The following CSMD1 variants were observed in gnomAD, a reference collection of about 807,000 sequenced individuals.
The protein encoded by CSMD1 is CUB and sushi domain-containing protein 1.
A neutral mutation model predicts 417.5 loss-of-function variants in CSMD1; 213 were observed. The observed-to-expected ratio is 0.51, with a 90% CI of 0.46 to 0.57. CSMD1 has a LOEUF of 0.57. Among genes scored for constraint, CSMD1 ranks in the 20% least tolerant of loss-of-function variants. The pLI, the probability that CSMD1 is intolerant of heterozygous loss-of-function variation, is 0.00. For missense variants in CSMD1, 6,923 were observed against 4,529.7 expected, an observed-to-expected ratio of 1.53 and a Z score of -15.17; for synonymous variants, 2,862 against 1,736.8, an observed-to-expected ratio of 1.65 and a Z score of -16.11.
intron 26 of CSMD1, among the ~76,000 whole-genome samples, chr8:3,274,556 G>A (rs546119452): frequency 6.6e-6 from 1 of 152,016 alleles, no homozygotes; most frequent in Non-Finnish European, 1.5e-5. Context: ...TTAATGTGTG[G>A]GAGTCTAAGT....
intron 1 of CSMD1, among the ~76,000 whole-genome samples, chr8:4,881,092 C>T (rs1327466931): frequency 6.6e-6 from 1 of 152,070 alleles, no homozygotes; most frequent in East Asian, 1.9e-4. Context: ...CTCCAGCCCA[C>T]ATTGTTCTTC....
intron 5 of CSMD1, among the ~76,000 whole-genome samples, chr8:3,899,907 A>G (rs536024273): frequency 6.6e-6 from 1 of 152,238 alleles, no homozygotes; most frequent in Non-Finnish European, 1.5e-5. Flanking sequence ...TGCTTAAAAC[A>G]TGTCTTTAAT....
chr8:3,208,647 G>A (rs1240296425), intron 30 of CSMD1, among the ~76,000 whole-genome samples: 2 of 152,180 alleles, frequency 1.3e-5, no homozygotes, highest in Admixed American at 1.3e-4. Flanking sequence ...ATGTCTGTGA[G>A]GGTGTTGCCC....
At chr8:4,742,648 G>C (rs1322964718) in intron 1 of CSMD1, among the ~76,000 whole-genome samples, 1 of 152,034 alleles carries the variant, frequency 6.6e-6, no homozygotes, top group Admixed American at 6.6e-5. Flanking sequence ...GAATCCAAAA[G>C]CAGGTAGTGT....
intron 3 of CSMD1, among the ~76,000 whole-genome samples, chr8:4,163,638 G>C (rs1797290593): frequency 6.6e-6 from 1 of 152,076 alleles, no homozygotes; most frequent in Non-Finnish European, 1.5e-5. Flanking sequence ...TCTACATATG[G>C]TAAGTGGAGT....
intron 3 of CSMD1, among the ~76,000 whole-genome samples, chr8:4,246,598 A>T (rs970771926): frequency 6.6e-6 from 1 of 152,318 alleles, no homozygotes; most frequent in African/African-American, 2.4e-5. Context: ...GTAGAATTTG[A>T]TATGATGGGT....
chr8:4,067,294 C>A (rs544313461), intron 3 of CSMD1, among the ~76,000 whole-genome samples: 1 of 152,094 alleles, frequency 6.6e-6, no homozygotes, highest in Non-Finnish European at 1.5e-5. Flanking sequence ...TTTTTCAAAT[C>A]TCCGCCATAC....
intron 5 of CSMD1, among the ~76,000 whole-genome samples, chr8:3,882,216 A>G (rs1806252138): frequency 6.6e-6 from 1 of 152,152 alleles, no homozygotes; most frequent in African/African-American, 2.4e-5. Context: ...GACAACCCAT[A>G]AAGTGGAAAA....
At chr8:4,149,865 T>C (rs1230532083) in intron 3 of CSMD1, among the ~76,000 whole-genome samples, 1 of 152,208 alleles carries the variant, frequency 6.6e-6, no homozygotes, top group Non-Finnish European at 1.5e-5. Context: ...GCATAATGAT[T>C]ATTTGTAAGC....
At chr8:3,749,706 T>C (rs543471189) in intron 6 of CSMD1, among the ~76,000 whole-genome samples, 5 of 152,342 alleles carry the variant, frequency 3.3e-5, no homozygotes, top group Admixed American at 2.0e-4. Context: ...GCTGATTTCA[T>C]ATAAACGAAT....
chr8:3,829,636 T>C (rs1802257216), intron 5 of CSMD1, among the ~76,000 whole-genome samples: 1 of 152,176 alleles, frequency 6.6e-6, no homozygotes, highest in African/African-American at 2.4e-5. Context: ...GTAGAATGAA[T>C]TAAGAATTAG....
rs148282169 is a variant in CSMD1 at position 4,358,322 on chromosome 8, C to G, written c.415+61631G>C. 8.1e-3 allele frequency among the ~76,000 whole-genome samples: 1,230 copies of G among 152,282 alleles called. 6 individuals are homozygous for G. The highest frequency in any genetic ancestry group is 0.018 in the East Asian group (91 of 5,180). On this transcript the variant is annotated intron_variant, in intron 3 of 69. Coordinates refer to ENST00000635120, the MANE Select transcript of CSMD1 (RefSeq NM_033225.6). ...CCAGCTGGTGCCATCTGACAGCTGC[C>G]TAGTTTTGTAAGGCCCATGAGCTTA...
chr8:4,142,780 G>C (rs1803869419), intron 3 of CSMD1, among the ~76,000 whole-genome samples: 1 of 150,966 alleles, frequency 6.6e-6, no homozygotes, highest in South Asian at 2.1e-4. Flanking sequence ...TGCAAAACAG[G>C]CTTCAACAAA....
intron 1 of CSMD1, among the ~76,000 whole-genome samples, chr8:4,753,762 G>C (rs185849343): frequency 1.3e-4 from 20 of 152,258 alleles, no homozygotes; most frequent in Non-Finnish European, 2.4e-4. Flanking sequence ...CATTCTGATG[G>C]GAACATTCCC....
At chr8:4,048,729 G>A (rs928834184) in intron 3 of CSMD1, among the ~76,000 whole-genome samples, 5 of 152,114 alleles carry the variant, frequency 3.3e-5, no homozygotes, top group Non-Finnish European at 7.4e-5. Context: ...ATACATACAT[G>A]TATATCTATA....
chr8:4,369,688 C>G (rs73510610), intron 3 of CSMD1, among the ~76,000 whole-genome samples: 7 of 152,076 alleles, frequency 4.6e-5, no homozygotes, highest in Admixed American at 3.3e-4. Flanking sequence ...TTTATCATTA[C>G]GTAATGCCCT....
At chr8:4,005,602 G>C (rs1254549991) in intron 4 of CSMD1, among the ~76,000 whole-genome samples, 2 of 152,302 alleles carry the variant, frequency 1.3e-5, no homozygotes, top group African/African-American at 4.8e-5. Context: ...TATAAGGTTT[G>C]CAGTCATAAA....
chr8:4,124,745 A>G (rs937465024), intron 3 of CSMD1, among the ~76,000 whole-genome samples: 2 of 152,212 alleles, frequency 1.3e-5, no homozygotes, highest in Admixed American at 1.3e-4. Context: ...CACAGCTGCA[A>G]ACTAAGGGAC....
chr8:3,523,011 ACACC>A lies in CSMD1; in HGVS notation c.1345-29289_1345-29286del, dbSNP rs1166521278. Among the ~76,000 whole-genome samples, 271 of 113,582 alleles carry A rather than the reference ACACC, an allele frequency of 2.4e-3. 1 individual carries two copies. Among genetic ancestry groups the A allele is most frequent in the African/African-American group, 6.6e-3 (173 of 26,374 alleles). 74.5% of individuals were successfully genotyped at this position (113,582 alleles called of 152,430 possible). ...ACAAAATGGAGATACATATATACACACACCCACACACACACACACACACACACAC... is the reference window on the plus strand; with the variant it reads ...ACAAAATGGAGATACATATATACACACACACACACACACACACACACACAC... On this transcript the variant is annotated intron_variant, in intron 10 of 69. Transcript: ENST00000635120.
Sources: gnomAD v4.1 joint callset for allele counts (sites outside exome capture counted in the v4.1 genomes callset) on GRCh38, gnomAD v4.1.1 for gene constraint, MANE v1.5 for transcripts, NCBI Gene and HGNC (gene_info 2026-07-23, HGNC 2026-07-21) for gene names.